CNTN1: variants seen among roughly 807,000 people sequenced by gnomAD.
The protein encoded by CNTN1 is contactin 1, also known as contactin-1.
Under a neutral mutation model 126.4 loss-of-function variants are expected in CNTN1, and 38 were observed. The ratio of observed to expected loss-of-function variants is 0.30; its 90% CI spans 0.23 to 0.39. The LOEUF (loss-of-function observed/expected upper bound fraction) is 0.39, where lower values mean the gene tolerates loss of function less well. CNTN1 is among the 10% of genes least tolerant of loss of function. CNTN1 has a pLI of 1.00. For missense variants in CNTN1, 1,009 were observed against 1,248.4 expected (o/e 0.81, Z 2.89); for synonymous variants, 413 against 422.6 (o/e 0.98, Z 0.28).
chr12:40,753,964 A>G (rs1469629807), intron 1 of CNTN1, among the ~76,000 whole-genome samples: 1 of 152,034 alleles, frequency 6.6e-6, no homozygotes, highest in Non-Finnish European at 1.5e-5. Context: ...TATTGTTTCT[A>G]TTATTCACTG....
At chr12:40,851,214 C>G (rs986689225) in intron 1 of CNTN1, among the ~76,000 whole-genome samples, 2 of 152,166 alleles carry the variant, frequency 1.3e-5, no homozygotes. Flanking sequence ...GATCAAATAA[C>G]ATTTTAGTAA....
intron 12 of CNTN1, 106 bp downstream of exon 12, chr12:40,939,591 T>G: frequency 8.0e-7 from 1 of 1,253,158 alleles, no homozygotes; most frequent in Non-Finnish European, 1.1e-6. Flanking sequence ...TGCTCTGAAT[T>G]TTTTTTTTCA....
chr12:40,819,060 C>T (rs1176896452), intron 1 of CNTN1, among the ~76,000 whole-genome samples: 1 of 152,132 alleles, frequency 6.6e-6, no homozygotes, highest in Non-Finnish European at 1.5e-5. Context: ...CCTGCTCCTT[C>T]TTCTGGGACC....
At chr12:40,699,817 T>G (rs1475147624) in intron 1 of CNTN1, among the ~76,000 whole-genome samples, 1 of 151,910 alleles carries the variant, frequency 6.6e-6, no homozygotes, top group Non-Finnish European at 1.5e-5. Context: ...TAGTGGCAAA[T>G]CTGGACAAGT....
At chr12:40,989,511 G>A (rs1407173668) in intron 16 of CNTN1, among the ~76,000 whole-genome samples, 1 of 152,054 alleles carries the variant, frequency 6.6e-6, no homozygotes, top group African/African-American at 2.4e-5. Context: ...ATGGAGTGAT[G>A]GATATTATGT....
intron 1 of CNTN1, among the ~76,000 whole-genome samples, chr12:40,803,616 C>T (rs906856961): frequency 4.6e-5 from 7 of 151,834 alleles, no homozygotes; most frequent in Non-Finnish European, 8.8e-5. Context: ...TTTTTGAAGA[C>T]CCCCTTGTAT....
chr12:41,047,721 A>G (rs368129793), intron 23 of CNTN1, among the ~76,000 whole-genome samples: 13 of 151,952 alleles, frequency 8.6e-5, no homozygotes, highest in African/African-American at 2.7e-4. Context: ...TACTTCTTTC[A>G]TAAGTTCTAG....
At chr12:41,017,739 A>G (rs562458144) in intron 19 of CNTN1, among the ~76,000 whole-genome samples, 3 of 152,086 alleles carry the variant, frequency 2.0e-5, no homozygotes, top group South Asian at 2.1e-4. Flanking sequence ...TAATTACATT[A>G]TTTTCTCTGA....
intron 20 of CNTN1, among the ~76,000 whole-genome samples, chr12:41,022,337 T>A (rs1199206637): frequency 6.6e-6 from 1 of 152,214 alleles, no homozygotes; most frequent in Non-Finnish European, 1.5e-5. Flanking sequence ...AGGAGTTGGT[T>A]TCACAGATGT....
chr12:40,944,189 A>G lies in CNTN1; in HGVS notation c.1683+19A>G, dbSNP rs1002476005. ...TTTTATGGTATGTGTTTTAAGTTTC[A>G]TCTTATTAACACCCCAGTGATTCCT... On this transcript the variant is annotated intron_variant, in intron 14 of 23. Coordinates refer to ENST00000551295, the MANE Select transcript of CNTN1 (RefSeq NM_001843.4). The G allele has an allele frequency of 6.3e-7, 1 of 1,592,234 alleles. No individual in the cohort carries two copies. The highest frequency in any genetic ancestry group is 8.6e-7 in the Non-Finnish European group (1 of 1,160,664).
chr12:41,007,066 T>G (rs1948513632), intron 17 of CNTN1, among the ~76,000 whole-genome samples: 1 of 134,300 alleles, frequency 7.4e-6, no homozygotes, highest in Admixed American at 7.4e-5. Flanking sequence ...TTTTTTTTTT[T>G]TTTTTTTTTT....
intron 1 of CNTN1, among the ~76,000 whole-genome samples, chr12:40,848,739 G>C (rs1942607241): frequency 6.7e-6 from 1 of 150,298 alleles, no homozygotes; most frequent in Admixed American, 6.6e-5. Flanking sequence ...TCTTCTCAAA[G>C]TTGTAAGTCC....
intron 1 of CNTN1, among the ~76,000 whole-genome samples, chr12:40,785,620 G>T (rs972524532): frequency 1.3e-5 from 2 of 152,068 alleles, no homozygotes; most frequent in African/African-American, 4.8e-5. Context: ...CATTCTCAAG[G>T]GTGGGGAGAA....
At chr12:40,737,135 T>G (rs1317559844) in intron 1 of CNTN1, among the ~76,000 whole-genome samples, 4 of 151,804 alleles carry the variant, frequency 2.6e-5, no homozygotes, top group Non-Finnish European at 4.4e-5. Flanking sequence ...TGGTGGATTT[T>G]ATATATAAAT....
At chr12:40,897,652 T>C (rs1944457269) in intron 1 of CNTN1, among the ~76,000 whole-genome samples, 1 of 152,160 alleles carries the variant, frequency 6.6e-6, no homozygotes, top group African/African-American at 2.4e-5. Context: ...ATATTTGATA[T>C]AAATTCGAAT....
At chr12:40,736,981 C>T (rs910548907) in intron 1 of CNTN1, among the ~76,000 whole-genome samples, 1 of 151,826 alleles carries the variant, frequency 6.6e-6, no homozygotes, top group African/African-American at 2.4e-5. Flanking sequence ...ATTTTAAATC[C>T]TACACGAAAT....
intron 1 of CNTN1, 141 bp from the exon 2 acceptor site, chr12:40,908,216 C>T (rs1944902595): frequency 1.8e-6 from 1 of 542,088 alleles, no homozygotes; most frequent in Admixed American, 3.5e-5. Context: ...CATAAAGTCA[C>T]ATAGGTTAAT....
intron 15 of CNTN1, 102 bp downstream of exon 15, chr12:40,959,336 G>C (rs1947020587): frequency 4.8e-6 from 6 of 1,249,522 alleles, no homozygotes; most frequent in Non-Finnish European, 6.9e-6. Flanking sequence ...TACATATTTA[G>C]AGTCTCAATC....
At chr12:40,967,154 G>A (rs1056677747) in intron 15 of CNTN1, among the ~76,000 whole-genome samples, 1 of 151,834 alleles carries the variant, frequency 6.6e-6, no homozygotes, top group East Asian at 1.9e-4. Flanking sequence ...GCAGTAGAGC[G>A]AGACTCCATC....
Sources: gnomAD v4.1 joint callset for allele counts (sites outside exome capture counted in the v4.1 genomes callset) on GRCh38, gnomAD v4.1.1 for gene constraint, MANE v1.5 for transcripts, NCBI Gene and HGNC (gene_info 2026-07-23, HGNC 2026-07-21) for gene names.